The following NELL2 variants were observed in gnomAD, a reference collection of about 807,000 sequenced individuals.
NELL2 encodes neural EGFL like 2.
Under a neutral mutation model 109.6 loss-of-function variants are expected in NELL2, and 41 were observed. That is an observed-to-expected ratio of 0.37 (90% confidence interval 0.29 to 0.49). The LOEUF is 0.49. Among genes scored for constraint, NELL2 ranks in the 20% least tolerant of loss-of-function variants. The pLI is 0.98. For synonymous variants in NELL2, 355 were observed against 344.7 expected, an observed-to-expected ratio of 1.03 and a Z score of -0.33; for missense variants, 900 against 1,008.3, an observed-to-expected ratio of 0.89 and a Z score of 1.45.
At chr12:44,733,507 T>A (rs755245070) in intron 9 of NELL2, among the ~76,000 whole-genome samples, 4 of 150,994 alleles carry the variant, frequency 2.6e-5, no homozygotes, top group Non-Finnish European at 5.9e-5. Flanking sequence ...TGCAAAGGGG[T>A]CAAAATCATC....
At position 44,665,466 on chromosome 12, in the gene NELL2, C is replaced by A; in HGVS notation, c.1444+18G>T. On this transcript the variant is annotated intron_variant, in intron 13 of 19. Coordinates refer to ENST00000429094, the MANE Select transcript of NELL2 (RefSeq NM_001145108.2). ...TAAGACATAAAAATATTTTATTTCACAAATAGCCACCGTTTACCTGTACAT... is the reference window on the plus strand; with the variant it reads ...TAAGACATAAAAATATTTTATTTCAAAAATAGCCACCGTTTACCTGTACAT... The A allele has an allele frequency of 6.4e-7, 1 of 1,569,676 alleles. No individual in the cohort carries two copies. Among genetic ancestry groups the A allele is most frequent in the South Asian group, 1.2e-5 (1 of 82,918 alleles).
chr12:44,582,131 G>C (rs1944345696), intron 15 of NELL2, among the ~76,000 whole-genome samples: 1 of 152,226 alleles, frequency 6.6e-6, no homozygotes, highest in Non-Finnish European at 1.5e-5. Context: ...TGGGAAGGGT[G>C]CTTTGACAGA....
intron 13 of NELL2, among the ~76,000 whole-genome samples, chr12:44,648,943 T>TGTGTGTGTGTGTGTGTGTGTGTG (rs1292852759): frequency 1.4e-5 from 2 of 147,656 alleles, no homozygotes; most frequent in South Asian, 2.1e-4. Context: ...TGTGTGTGTG[T>TGTGTGTGTGTGTGTGTGTGTGTG]TTAGTAGAGA....
chr12:44,804,999 T>C (rs1942952488), intron 3 of NELL2, among the ~76,000 whole-genome samples: 1 of 151,818 alleles, frequency 6.6e-6, no homozygotes, highest in Admixed American at 6.6e-5. Context: ...TTAGAAAATA[T>C]AATAGAAAAG....
intron 1 of NELL2, among the ~76,000 whole-genome samples, chr12:44,886,008 A>T (rs1439650233): frequency 6.6e-6 from 1 of 151,536 alleles, no homozygotes; most frequent in Admixed American, 6.6e-5. Flanking sequence ...ATTTTTTACA[A>T]AGATATCAAG....
chr12:44,901,805 T>G (rs141130001), intron 1 of NELL2, among the ~76,000 whole-genome samples: 3,434 of 152,178 alleles, frequency 0.023, 144 homozygotes, highest in African/African-American at 0.078. Context: ...AAAAACCACA[T>G]GATTATCTCA....
chr12:44,593,781 G>C (rs745629511), intron 15 of NELL2, among the ~76,000 whole-genome samples: 4 of 152,120 alleles, frequency 2.6e-5, no homozygotes, highest in Non-Finnish European at 5.9e-5. Context: ...TAGCCTTGTA[G>C]TACAGTTTGA....
intron 13 of NELL2, among the ~76,000 whole-genome samples, chr12:44,640,698 A>G (rs1343758682): frequency 2.0e-5 from 3 of 152,014 alleles, no homozygotes; most frequent in African/African-American, 7.2e-5. Flanking sequence ...GAGTTACCAT[A>G]TTATTCATAT....
intron 3 of NELL2, among the ~76,000 whole-genome samples, chr12:44,787,140 T>A (rs759457930): frequency 1.3e-5 from 2 of 152,076 alleles, no homozygotes; most frequent in Non-Finnish European, 2.9e-5. Context: ...CAAAAATACA[T>A]GGATACCAAA....
intron 15 of NELL2, among the ~76,000 whole-genome samples, chr12:44,581,549 G>C (rs958456193): frequency 6.6e-5 from 10 of 152,062 alleles, no homozygotes. Flanking sequence ...TAGCTATAAA[G>C]TAACTTTTAA....
chr12:44,841,521 C>A (rs909142456), intron 2 of NELL2, among the ~76,000 whole-genome samples: 3 of 152,096 alleles, frequency 2.0e-5, no homozygotes, highest in Non-Finnish European at 2.9e-5. Flanking sequence ...TAGCTATGAT[C>A]CTTGAAAGAA....
intron 2 of NELL2, among the ~76,000 whole-genome samples, chr12:44,833,862 G>C (rs1370083050): frequency 6.6e-6 from 1 of 152,166 alleles, no homozygotes; most frequent in Non-Finnish European, 1.5e-5. Context: ...ATTAGTCCAG[G>C]CTAGGAAAGT....
chr12:44,523,183 G>A, intron 17 of NELL2, 108 bp downstream of exon 17: 1 of 1,027,928 alleles, frequency 9.7e-7, no homozygotes, highest in Non-Finnish European at 1.5e-6. Context: ...TGTGATGGTA[G>A]GTAAGTGGAT....
At chr12:44,655,806 C>A (rs1563043) in intron 13 of NELL2, among the ~76,000 whole-genome samples, 88,830 of 152,048 alleles carry the variant, frequency 0.58, 26,575 homozygotes, top group East Asian at 0.73. Flanking sequence ...GTAACATTGT[C>A]ATAATAGATA....
intron 15 of NELL2, among the ~76,000 whole-genome samples, chr12:44,598,329 T>C (rs1394088034): frequency 1.3e-5 from 2 of 151,950 alleles, no homozygotes; most frequent in Non-Finnish European, 2.9e-5. Flanking sequence ...TGAGAACCCT[T>C]TGGGAAGAAG....
chr12:44,645,191 G>A (rs1947049893), intron 13 of NELL2, among the ~76,000 whole-genome samples: 1 of 152,156 alleles, frequency 6.6e-6, no homozygotes, highest in Non-Finnish European at 1.5e-5. Flanking sequence ...CAAGTTAGGA[G>A]AGGGAGGGAG....
At chr12:44,686,697 G>A (rs998236858) in intron 12 of NELL2, among the ~76,000 whole-genome samples, 1 of 151,974 alleles carries the variant, frequency 6.6e-6, no homozygotes, top group African/African-American at 2.4e-5. Context: ...GTCTGCCCCT[G>A]CTGGGGGGTG....
intron 12 of NELL2, among the ~76,000 whole-genome samples, chr12:44,687,340 G>A (rs1359925201): frequency 1.3e-5 from 2 of 152,196 alleles, no homozygotes; most frequent in Non-Finnish European, 2.9e-5. Context: ...GGTACCTCAG[G>A]TGGAAATGCA....
intron 12 of NELL2, among the ~76,000 whole-genome samples, chr12:44,702,914 GT>G (rs761417862): frequency 6.6e-6 from 1 of 152,136 alleles, no homozygotes; most frequent in Non-Finnish European, 1.5e-5. Flanking sequence ...TATACCTGAG[GT>G]TTTCCATCTC....
Sources: gnomAD v4.1 joint callset for allele counts (sites outside exome capture counted in the v4.1 genomes callset) on GRCh38, gnomAD v4.1.1 for gene constraint, MANE v1.5 for transcripts, NCBI Gene and HGNC (gene_info 2026-07-23, HGNC 2026-07-21) for gene names.